The following PGM2L1 variants were observed in gnomAD, a reference collection of about 807,000 sequenced individuals.
PGM2L1 encodes the protein glucose 1,6-bisphosphate synthase.
In PGM2L1, 35 loss-of-function variants were observed where a neutral mutation model predicts 73.4. The ratio of observed to expected loss-of-function variants is 0.48; its 90% CI spans 0.36 to 0.63. PGM2L1 has a LOEUF of 0.63. Among genes scored for constraint, PGM2L1 ranks in the 30% least tolerant of loss-of-function variants. PGM2L1 has a pLI of 0.00. For missense variants in PGM2L1, 570 were observed against 742.0 expected, an observed-to-expected ratio of 0.77 and a Z score of 2.69; for synonymous variants, 225 against 253.8, an observed-to-expected ratio of 0.89 and a Z score of 1.08.
At chr11:74,345,734 C>A in intron 8 of PGM2L1, 85 bp from the exon 9 acceptor site, 1 of 1,204,270 alleles carries the variant, frequency 8.3e-7, no homozygotes, top group South Asian at 1.4e-5. Context: ...TACCATCCTT[C>A]AGTTAGGAAA....
chr11:74,394,625 T>C (rs955102151), intron 1 of PGM2L1, among the ~76,000 whole-genome samples: 2 of 152,242 alleles, frequency 1.3e-5, no homozygotes, highest in African/African-American at 4.8e-5. Context: ...AAATTTTCTA[T>C]GTACCCTGAG....
In PGM2L1 at chr11:74,343,360, A is replaced by G. The variant is rs755558053; in HGVS notation, c.1275T>C (p.Asn425=). The change falls in exon 10 of 14, where the codon AAT becomes AAC. Residue 425 remains asparagine, a synonymous_variant. Transcript: ENST00000298198. ...IGSRIIDLLE[N]GKEVLFAFEE... is the part of the protein sequence containing the mutation. ...CAAATGCAAAAAGGACTTCTTTCCC[A>G]TTTTCCAGGAGGTCTATTATCCTAC... 3.1e-6 allele frequency: 5 copies of G among 1,609,592 alleles called. No individual in the cohort carries two copies. In the Admixed American group the frequency reaches 6.8e-5, roughly 22 times the overall value.
chr11:74,371,460 A>G (rs1231265935), intron 3 of PGM2L1, among the ~76,000 whole-genome samples: 1 of 152,218 alleles, frequency 6.6e-6, no homozygotes, highest in Non-Finnish European at 1.5e-5. Flanking sequence ...CCAAAATATT[A>G]AAGTTATAAG....
At chr11:74,351,684 C>G in intron 5 of PGM2L1, 108 bp from the exon 6 acceptor site, 1 of 1,017,506 alleles carries the variant, frequency 9.8e-7, no homozygotes, top group Non-Finnish European at 1.4e-6. Context: ...AAATTGAGGC[C>G]AGGCACGGTG....
chr11:74,345,410 G>T, intron 9 of PGM2L1, 59 bp downstream of exon 9: 1 of 1,399,438 alleles, frequency 7.1e-7, no homozygotes, highest in Non-Finnish European at 9.8e-7. Flanking sequence ...GTGGGGAGAT[G>T]TCTTTAACAT....
Position 74,346,831 on chromosome 11 carries a change from TG to T in PGM2L1, c.940-3del, listed in dbSNP as rs1373422901. On this transcript the variant is annotated splice_polypyrimidine_tract_variant and splice_region_variant and intron_variant, in intron 7 of 13. Transcript: ENST00000298198. ...CTCTGCCAGTCTCAAGGAAAGTTCC[TG>T]AAACAGTGACCCAAAAAGCTGGATT... The T allele has an allele frequency of 1.6e-5, 25 of 1,611,556 alleles. No individual in the cohort carries two copies. Among genetic ancestry groups the T allele is most frequent in the Non-Finnish European group, 2.0e-5 (24 of 1,177,638 alleles).
chr11:74,360,658 C>A (rs1177479198), intron 5 of PGM2L1, among the ~76,000 whole-genome samples: 1 of 152,046 alleles, frequency 6.6e-6, no homozygotes, highest in African/African-American at 2.4e-5. Context: ...CCTTTCCTGG[C>A]AAAGGGAAGG....
At position 74,336,652 on chromosome 11, in the gene PGM2L1, C is replaced by A; in HGVS notation, c.1869G>T (p.Ter623TyrextTer7). 1.3e-6 allele frequency: 2 copies of A among 1,598,610 alleles called. No homozygotes were observed. The highest frequency in any genetic ancestry group is 8.6e-7 in the Non-Finnish European group (1 of 1,168,388). ...AGTGTCATGACATATTGGTGTACCCCTAAACAGAACGCCAGATCAGTCCAT... is the reference window on the plus strand; with the variant it reads ...AGTGTCATGACATATTGGTGTACCCATAAACAGAACGCCAGATCAGTCCAT... ...SKNGLIWRSV[*>Y] is the part of the protein sequence containing the mutation. Residue 623 changes from the stop codon to tyrosine, a stop_lost, in exon 14 of 14, where the codon TAG becomes TAT. Transcript: ENST00000298198.
intron 1 of PGM2L1, among the ~76,000 whole-genome samples, chr11:74,383,980 AAACTCTT>A (rs1424569861): frequency 2.0e-5 from 3 of 151,914 alleles, no homozygotes; most frequent in African/African-American, 7.3e-5. Flanking sequence ...TTGTAACCCC[AAACTCTT>A]AACCTGTGGA....
intron 6 of PGM2L1, among the ~76,000 whole-genome samples, 186 bp downstream of exon 6, chr11:74,351,197 C>A (rs1356992538): frequency 6.6e-6 from 1 of 152,124 alleles, no homozygotes; most frequent in African/African-American, 2.4e-5. Flanking sequence ...TATGGATATA[C>A]CACATTTTAC....
At chr11:74,346,061 T>C (rs1862256424) in intron 8 of PGM2L1, among the ~76,000 whole-genome samples, 1 of 151,904 alleles carries the variant, frequency 6.6e-6, no homozygotes, top group South Asian at 2.1e-4. Flanking sequence ...GGTCAGGAGT[T>C]CGAGACCAGC....
At chr11:74,390,035 C>T (rs7929330) in intron 1 of PGM2L1, among the ~76,000 whole-genome samples, 92,846 of 143,206 alleles carry the variant, frequency 0.65, 31,648 homozygotes, top group Non-Finnish European at 0.77. Context: ...AGGAGAATGG[C>T]GTGAACCCGG....
chr11:74,338,515 T>C lies in PGM2L1; in HGVS notation c.1719A>G (p.Glu573=), dbSNP rs1206771734. The C allele has an allele frequency of 1.9e-6, 3 of 1,606,916 alleles. No homozygotes were observed. The Admixed American group carries it at 5.0e-5, about 27-fold the overall frequency. The part of the protein sequence containing the change: ...CVATLRTSGT[E]PKIKYYAEMC... ...TCTCTGCATAATACTTTATCTTTGG[T>C]TCTGTTCCACTTGTCCGAAGGGTAG... Residue 573 remains glutamate, a synonymous_variant, in exon 13 of 14, where the codon GAA becomes GAG. Coordinates refer to ENST00000298198, the MANE Select transcript of PGM2L1 (RefSeq NM_173582.6).
rs753713451 is a variant in PGM2L1, at chr11:74,343,377, T to C, written c.1258A>G (p.Ile420Val). ...TCTTTCCCATTTTCCAGGAGGTCTA[T>C]TATCCTACTTCCAATCCATTTAAAA... is the stretch of plus-strand genomic sequence containing the variant. Reference protein sequence around the residue: ...PGFKWIGSRIIDLLENGKEVL... With the variant: ...PGFKWIGSRIVDLLENGKEVL... Residue 420 changes from isoleucine to valine, a missense_variant, in exon 10 of 14, where the codon ATA (isoleucine) becomes GTA (valine). Transcript: ENST00000298198. The C allele has an allele frequency of 6.2e-7, 1 of 1,611,890 alleles. No homozygotes were observed. The highest frequency in any genetic ancestry group is 8.5e-7 in the Non-Finnish European group (1 of 1,179,394).
intron 2 of PGM2L1, among the ~76,000 whole-genome samples, chr11:74,372,972 T>C (rs902392088): frequency 6.6e-6 from 1 of 152,206 alleles, no homozygotes; most frequent in Admixed American, 6.5e-5. Context: ...AGAATGCATC[T>C]TATTTCTCTA....
At chr11:74,391,323 G>A (rs554582134) in intron 1 of PGM2L1, among the ~76,000 whole-genome samples, 2 of 151,728 alleles carry the variant, frequency 1.3e-5, no homozygotes, top group Admixed American at 1.3e-4. Context: ...ACTATTTATG[G>A]CATAGATGCT....
chr11:74,355,095 G>T, intron 5 of PGM2L1: 3 of 1,268,892 alleles, frequency 2.4e-6, no homozygotes, highest in Non-Finnish European at 3.4e-6. Context: ...GGACAACTTT[G>T]GTTGTGGAGG....
chr11:74,345,366 G>T, intron 9 of PGM2L1, 103 bp downstream of exon 9: 1 of 1,096,152 alleles, frequency 9.1e-7, no homozygotes, highest in Non-Finnish European at 1.3e-6. Flanking sequence ...AAAAATAAGG[G>T]AATTACAAAT....
intron 5 of PGM2L1, chr11:74,354,872 C>T (rs1862418725): frequency 2.3e-6 from 2 of 855,074 alleles, no homozygotes; most frequent in Non-Finnish European, 2.0e-6. Flanking sequence ...GAGGCAGTGG[C>T]AGGAAAAGGG....
Sources: allele counts gnomAD v4.1 joint callset (sites outside exome capture counted in the v4.1 genomes callset), GRCh38; gene constraint gnomAD v4.1.1; transcripts MANE v1.5; gene names NCBI Gene and HGNC (gene_info 2026-07-23, HGNC 2026-07-21).